Variants in DPP6 observed in about 807,000 individuals in gnomAD.
DPP6 encodes dipeptidyl peptidase like 6.
A neutral mutation model predicts 122.6 loss-of-function variants in DPP6; 69 were observed. That is an observed-to-expected ratio of 0.56 (90% CI 0.46 to 0.69). DPP6 has a LOEUF of 0.69. Ranked by LOEUF, DPP6 falls within the 30% of genes least tolerant of loss-of-function variation. DPP6 has a pLI of 0.00. For missense variants in DPP6, 928 were observed against 1,116.9 expected (o/e 0.83, Z 2.41); for synonymous variants, 418 against 433.1 (o/e 0.97, Z 0.43).
At chr7:154,397,221 TG>T (rs1040654647) in intron 1 of DPP6, among the ~76,000 whole-genome samples, 9 of 151,436 alleles carry the variant, frequency 5.9e-5, no homozygotes, top group East Asian at 3.9e-4. Context: ...GCACTTCTGA[TG>T]TTTTTTTTCA....
intron 1 of DPP6, among the ~76,000 whole-genome samples, chr7:154,244,706 A>G (rs1310667182): frequency 6.6e-6 from 1 of 152,182 alleles, no homozygotes; most frequent in Admixed American, 6.5e-5. Flanking sequence ...GCAAAGAGGT[A>G]TATCTAAAAA....
intron 1 of DPP6, among the ~76,000 whole-genome samples, chr7:154,112,765 A>G (rs1415193907): frequency 6.7e-6 from 1 of 149,286 alleles, no homozygotes; most frequent in Non-Finnish European, 1.5e-5. Context: ...AACACTTAAC[A>G]TGAGATCTAC....
At chr7:154,788,522 C>T (rs1324848537) in intron 10 of DPP6, among the ~76,000 whole-genome samples, 3 of 150,854 alleles carry the variant, frequency 2.0e-5, no homozygotes, top group African/African-American at 7.3e-5. Flanking sequence ...AAATATTAAA[C>T]ATTAAGTATT....
chr7:154,704,047 C>T (rs1304614858), intron 7 of DPP6, among the ~76,000 whole-genome samples: 3 of 152,204 alleles, frequency 2.0e-5, no homozygotes, highest in Non-Finnish European at 4.4e-5. Flanking sequence ...AAGGATTTAT[C>T]ATCCCAGATG....
At chr7:154,817,348 T>C (rs1799483140) in intron 16 of DPP6, among the ~76,000 whole-genome samples, 1 of 152,070 alleles carries the variant, frequency 6.6e-6, no homozygotes. Flanking sequence ...ATGAAAGTCG[T>C]AAGCGATTGA....
At chr7:154,383,719 G>A (rs1032611576) in intron 1 of DPP6, among the ~76,000 whole-genome samples, 1 of 151,768 alleles carries the variant, frequency 6.6e-6, no homozygotes, top group African/African-American at 2.4e-5. Flanking sequence ...GTGAAACCCA[G>A]TCTCTACAAA....
At chr7:153,944,959 G>C (rs1262502981) in intron 1 of DPP6, among the ~76,000 whole-genome samples, 2 of 152,010 alleles carry the variant, frequency 1.3e-5, no homozygotes, top group Non-Finnish European at 2.9e-5. Context: ...TTTGCCTCAA[G>C]CGCTTTGCGT....
At chr7:153,956,055 G>A (rs773600434) in intron 1 of DPP6, among the ~76,000 whole-genome samples, 1 of 152,240 alleles carries the variant, frequency 6.6e-6, no homozygotes, top group African/African-American at 2.4e-5. Flanking sequence ...CCAGTTCACA[G>A]CTGCAAAAGT....
intron 7 of DPP6, among the ~76,000 whole-genome samples, chr7:154,677,105 G>T (rs187915413): frequency 9.9e-5 from 15 of 152,262 alleles, no homozygotes; most frequent in African/African-American, 3.6e-4. Flanking sequence ...ATGAGCTATT[G>T]TTATTTTTCT....
the DPP6 span, among the ~76,000 whole-genome samples, chr7:153,876,701 A>G: frequency 6.6e-6 from 1 of 152,100 alleles, no homozygotes; most frequent in Non-Finnish European, 1.5e-5. Context: ...CCCAACATTC[A>G]GTGATGTTAG....
At chr7:153,942,999 ACT>A (rs1801768948) in intron 1 of DPP6, among the ~76,000 whole-genome samples, 1 of 151,992 alleles carries the variant, frequency 6.6e-6, no homozygotes, top group African/African-American at 2.4e-5. Context: ...CCCCAGCGAC[ACT>A]CTGGCATTAT....
chr7:154,259,944 G>C (rs1802889226), intron 1 of DPP6, among the ~76,000 whole-genome samples: 1 of 152,180 alleles, frequency 6.6e-6, no homozygotes, highest in African/African-American at 2.4e-5. Context: ...AAGCAGCCAG[G>C]GCTGCGGCAT....
intron 4 of DPP6, among the ~76,000 whole-genome samples, chr7:154,565,933 G>A (rs1777720963): frequency 6.6e-6 from 1 of 152,222 alleles, no homozygotes; most frequent in Non-Finnish European, 1.5e-5. Flanking sequence ...CTGGGGGTGG[G>A]TGTGGGTATC....
At chr7:154,258,036 G>A (rs1802764487) in intron 1 of DPP6, among the ~76,000 whole-genome samples, 1 of 151,634 alleles carries the variant, frequency 6.6e-6, no homozygotes, top group Non-Finnish European at 1.5e-5. Context: ...TTTAAAGCCT[G>A]AAAAGCCAAA....
At chr7:154,419,810 G>A (rs1052680370) in intron 1 of DPP6, among the ~76,000 whole-genome samples, 16 of 152,194 alleles carry the variant, frequency 1.1e-4, no homozygotes, top group Non-Finnish European at 2.4e-4. Flanking sequence ...CAGCAGCACC[G>A]TTTTGAATTC....
the DPP6 span, among the ~76,000 whole-genome samples, chr7:153,840,353 A>G: frequency 6.6e-6 from 1 of 152,166 alleles, no homozygotes; most frequent in Admixed American, 6.5e-5. Context: ...ATAGAACTGA[A>G]TTAAAATGTA....
the DPP6 span, among the ~76,000 whole-genome samples, chr7:153,870,002 G>C: frequency 6.6e-6 from 1 of 152,204 alleles, no homozygotes; most frequent in African/African-American, 2.4e-5. Flanking sequence ...GGCTTGTAGA[G>C]TTTCTGCTGA....
At chr7:154,587,873 T>A in intron 5 of DPP6, 2 of 1,612,884 alleles carry the variant, frequency 1.2e-6, no homozygotes, top group Non-Finnish European at 1.7e-6. Flanking sequence ...GTTTCAGATA[T>A]TCCATGGAGA....
At chr7:153,775,353 G>A in the DPP6 span, among the ~76,000 whole-genome samples, 9 of 146,916 alleles carry the variant, frequency 6.1e-5, no homozygotes, top group South Asian at 6.8e-4. Flanking sequence ...ATATCCACTC[G>A]TGATAGACAA....
Sources: gnomAD v4.1 joint callset for allele counts (sites outside exome capture counted in the v4.1 genomes callset) on GRCh38, gnomAD v4.1.1 for gene constraint, MANE v1.5 for transcripts, NCBI Gene and HGNC (gene_info 2026-07-23, HGNC 2026-07-21) for gene names.